UGT8: variants seen among roughly 807,000 people sequenced by gnomAD.
The protein encoded by UGT8 is UDP glycosyltransferase 8, also known as 2-hydroxyacylsphingosine 1-beta-galactosyltransferase.
In UGT8, 12 loss-of-function variants were observed where a neutral mutation model predicts 40.5. The ratio of observed to expected loss-of-function variants is 0.30; its 90% confidence interval spans 0.19 to 0.48. UGT8 has a LOEUF of 0.48. Among genes scored for constraint, UGT8 ranks in the 20% least tolerant of loss-of-function variants. The probability of loss-of-function intolerance (pLI) is 0.99; values close to 1 mark genes in which losing one functional copy is unlikely to be tolerated. For missense variants in UGT8, 513 were observed against 648.7 expected (o/e 0.79, Z 2.27); for synonymous variants, 224 against 240.4 (o/e 0.93, Z 0.63).
intron 1 of UGT8, among the ~76,000 whole-genome samples, chr4:114,615,804 T>TCAC (rs1731374199): frequency 6.6e-6 from 1 of 152,236 alleles, no homozygotes; most frequent in African/African-American, 2.4e-5. Context: ...TAAAACAAGC[T>TCAC]ATTAGAGAGG....
intron 2 of UGT8, among the ~76,000 whole-genome samples, chr4:114,654,883 T>C (rs1190218660): frequency 6.6e-6 from 1 of 152,090 alleles, no homozygotes; most frequent in Non-Finnish European, 1.5e-5. Context: ...TGAAAACACA[T>C]GTGGGACTGG....
At chr4:114,612,397 A>C (rs556250284) in intron 1 of UGT8, among the ~76,000 whole-genome samples, 2 of 152,138 alleles carry the variant, frequency 1.3e-5, no homozygotes, top group Admixed American at 1.3e-4. Flanking sequence ...TGATTGAACT[A>C]CATTGTAGAT....
chr4:114,637,500 A>G (rs1267023979), intron 2 of UGT8, among the ~76,000 whole-genome samples: 3 of 152,192 alleles, frequency 2.0e-5, no homozygotes, highest in African/African-American at 7.2e-5. Context: ...AGAACATTTA[A>G]TGGAAAACCA....
At chr4:114,640,033 G>GTTTT (rs5861187) in intron 2 of UGT8, among the ~76,000 whole-genome samples, 3 of 139,236 alleles carry the variant, frequency 2.2e-5, no homozygotes, top group Non-Finnish European at 4.6e-5. Context: ...ATGTTTGTTT[G>GTTTT]TTTTTTTTTT....
chr4:114,623,686 C>G lies in UGT8; in HGVS notation c.806C>G (p.Ala269Gly). The change falls in exon 2 of 6, where the codon GCC becomes GGC. Residue 269 changes from alanine to glycine, a missense_variant. This residue lies in a region of UGT8 where 335 missense variants were observed against 444.8 expected (regional missense o/e 0.75). Transcript: ENST00000310836. The part of the protein sequence containing the change: ...VYVGGILTKP[A>G]SPLPEDLQRW... ...GTAGGAGGAATCCTAACCAAACCAG[C>G]CAGCCCACTACCAGAAGTAAGGTTT... The G allele has an allele frequency of 6.3e-7, 1 of 1,593,528 alleles. No homozygotes were observed. Among genetic ancestry groups the G allele is most frequent in the Non-Finnish European group, 8.6e-7 (1 of 1,164,592 alleles).
Position 114,623,202 on chromosome 4 carries a change from G to C in UGT8, c.322G>C (p.Asp108His). 1.2e-6 allele frequency: 2 copies of C among 1,614,128 alleles called. No homozygotes were observed. The highest frequency in any genetic ancestry group is 1.3e-5 in the African/African-American group (1 of 75,018). ...LTAIELFDIL[D>H]HYTKNCDLMV... ...AGCAATCGAACTGTTTGACATACTG[G>C]ATCACTATACTAAGAACTGTGACCT... is the stretch of plus-strand genomic sequence containing the variant. Residue 108 changes from aspartate to histidine, a missense_variant, in exon 2 of 6, where the codon GAT becomes CAT. By Grantham distance (81) the Asp-to-His change is moderately conservative (BLOSUM62 -1). Transcript: ENST00000310836.
rs182028446 is a variant in UGT8, at chr4:114,667,632, A to G, written c.1043-453A>G. 9.8e-4 allele frequency among the ~76,000 whole-genome samples: 150 copies of G among 152,286 alleles called. 1 individual carries two copies. Among genetic ancestry groups the G allele is most frequent in the African/African-American group, 3.5e-3 (146 of 41,560 alleles). ...ACATTTCTTTTTGGAGAAGCACACA[A>G]ACTCTTCATGGACTTCTGGAATCCA... On this transcript the variant is annotated intron_variant, in intron 4 of 5. Transcript: ENST00000310836.
intron 2 of UGT8, among the ~76,000 whole-genome samples, chr4:114,657,592 A>G (rs1313920668): frequency 2.6e-5 from 4 of 152,200 alleles, no homozygotes; most frequent in African/African-American, 7.2e-5. Flanking sequence ...TTTTGGTACT[A>G]CTTTTCATTT....
At position 114,649,863 on chromosome 4, in the gene UGT8, CT is replaced by C. The variant is rs200417444; in HGVS notation, c.823-14128del. ...TTAAAATTAAAATTTCATCTTATGT[CT>C]TTTATAGTATTAACTCCTTGGTACA... is the stretch of plus-strand genomic sequence containing the variant. On this transcript the variant is annotated intron_variant, in intron 2 of 5. Coordinates refer to ENST00000310836, the MANE Select transcript of UGT8 (RefSeq NM_001128174.3). 7.2e-3 allele frequency among the ~76,000 whole-genome samples: 1,098 copies of C among 152,114 alleles called. 15 individuals are homozygous for C. The highest frequency in any genetic ancestry group is 0.025 in the African/African-American group (1,017 of 41,504).
At chr4:114,647,078 G>A (rs1435483758) in intron 2 of UGT8, among the ~76,000 whole-genome samples, 1 of 152,020 alleles carries the variant, frequency 6.6e-6, no homozygotes, top group Admixed American at 6.6e-5. Flanking sequence ...CAATTTCAGT[G>A]GTAAATAATT....
chr4:114,618,602 T>A (rs1019976267), intron 1 of UGT8, among the ~76,000 whole-genome samples: 2 of 152,216 alleles, frequency 1.3e-5, no homozygotes, highest in African/African-American at 4.8e-5. Context: ...TGGAAACCTC[T>A]GCTTGCTCCA....
At chr4:114,658,478 T>A (rs1268920092) in intron 2 of UGT8, among the ~76,000 whole-genome samples, 1 of 152,088 alleles carries the variant, frequency 6.6e-6, no homozygotes, top group Non-Finnish European at 1.5e-5. Context: ...TCAGGAGAGA[T>A]CTGGAGTGCA....
At chr4:114,618,651 T>C (rs1181276226) in intron 1 of UGT8, among the ~76,000 whole-genome samples, 1 of 152,216 alleles carries the variant, frequency 6.6e-6, no homozygotes, top group African/African-American at 2.4e-5. Context: ...TGATTGTGCA[T>C]TTAAATCTAA....
intron 1 of UGT8, among the ~76,000 whole-genome samples, chr4:114,613,834 G>A (rs1731230204): frequency 6.6e-6 from 1 of 152,172 alleles, no homozygotes; most frequent in African/African-American, 2.4e-5. Flanking sequence ...TTTTTAGTAA[G>A]TACTTGAGGT....
intron 1 of UGT8, among the ~76,000 whole-genome samples, chr4:114,601,562 C>T (rs967328892): frequency 4.0e-5 from 6 of 151,452 alleles, no homozygotes; most frequent in Non-Finnish European, 8.8e-5. Context: ...CGGTAGCTGA[C>T]TCTTCACACC....
chr4:114,667,363 T>C (rs1039464792), intron 4 of UGT8, among the ~76,000 whole-genome samples: 1 of 152,240 alleles, frequency 6.6e-6, no homozygotes, highest in Non-Finnish European at 1.5e-5. Flanking sequence ...CAACTTTTGA[T>C]CCCTTTTATA....
intron 2 of UGT8, among the ~76,000 whole-genome samples, chr4:114,649,547 C>T (rs1488650971): frequency 6.6e-6 from 1 of 152,180 alleles, no homozygotes; most frequent in African/African-American, 2.4e-5. Flanking sequence ...ACACTCTGCT[C>T]TACCATCCTC....
Position 114,643,924 on chromosome 4 carries a change from C to T in UGT8, c.823-20071C>T, listed in dbSNP as rs138929713. 4.6e-5 allele frequency among the ~76,000 whole-genome samples: 7 copies of T among 152,158 alleles called. No homozygotes were observed. The East Asian group carries it at 1.4e-3, about 29-fold the overall frequency. On this transcript the variant is annotated intron_variant, in intron 2 of 5. Coordinates refer to ENST00000310836, the MANE Select transcript of UGT8 (RefSeq NM_001128174.3). ...AAATGTCATCTATATTTTTCTGTTC[C>T]ATTTTATTTCTACTCCCATTTTCTG...
At chr4:114,670,834 G>A (rs990089182) in intron 5 of UGT8, among the ~76,000 whole-genome samples, 1 of 152,130 alleles carries the variant, frequency 6.6e-6, no homozygotes, top group Admixed American at 6.5e-5. Context: ...GCAAGAGAAA[G>A]AAATAAAGGG....
Sources: allele counts gnomAD v4.1 joint callset (sites outside exome capture counted in the v4.1 genomes callset), GRCh38; gene constraint gnomAD v4.1.1; regional missense constraint gnomAD v4.1.1; transcripts MANE v1.5; gene names NCBI Gene and HGNC (gene_info 2026-07-23, HGNC 2026-07-21).